Variants in CEP128 observed in about 807,000 individuals in gnomAD.
The protein encoded by CEP128 is centrosomal protein 128, also known as centrosomal protein 128kDa.
CEP128 carries 132 observed loss-of-function variants against 156.7 expected under a neutral mutation model. The observed-to-expected ratio is 0.84, with a 90% confidence interval of 0.73 to 0.97. CEP128 has a LOEUF of 0.97. Ranked by LOEUF, CEP128 falls within the 50% of genes least tolerant of loss-of-function variation. CEP128 has a pLI of 0.00. For synonymous variants in CEP128, 469 were observed against 448.9 expected, an observed-to-expected ratio of 1.04 and a Z score of -0.57; for missense variants, 1,252 against 1,281.9, an observed-to-expected ratio of 0.98 and a Z score of 0.36.
chr14:80,525,023 T>C (rs531225304), intron 23 of CEP128, among the ~76,000 whole-genome samples: 5 of 152,280 alleles, frequency 3.3e-5, no homozygotes, highest in African/African-American at 7.2e-5. Context: ...GTTATGGAAA[T>C]TGCATTGATT....
At chr14:80,919,689 A>G (rs961598656) in intron 2 of CEP128, among the ~76,000 whole-genome samples, 1 of 152,198 alleles carries the variant, frequency 6.6e-6, no homozygotes, top group African/African-American at 2.4e-5. Context: ...AGAAAATCTT[A>G]CTGGTATTAA....
At chr14:80,494,763 C>T (rs1023159984), downstream of CEP128, among the ~76,000 whole-genome samples, 3 of 152,092 alleles carry the variant, frequency 2.0e-5, no homozygotes, top group Non-Finnish European at 4.4e-5. Context: ...ACTTTAAATG[C>T]TGTATGCATA....
At chr14:80,629,389 T>C (rs1299405141) in intron 19 of CEP128, among the ~76,000 whole-genome samples, 1 of 152,156 alleles carries the variant, frequency 6.6e-6, no homozygotes, top group East Asian at 1.9e-4. Flanking sequence ...CTTTTCCTTT[T>C]TGGAGAAATA....
At chr14:80,595,531 T>A (rs1422423500) in intron 19 of CEP128, among the ~76,000 whole-genome samples, 1 of 152,184 alleles carries the variant, frequency 6.6e-6, no homozygotes, top group Admixed American at 6.5e-5. Flanking sequence ...TCTGTTTCAA[T>A]TTGATGATAT....
At chr14:80,757,503 C>A (rs1179911903) in intron 17 of CEP128, among the ~76,000 whole-genome samples, 5 of 152,222 alleles carry the variant, frequency 3.3e-5, no homozygotes, top group Admixed American at 2.6e-4. Context: ...GCTGCTTTGA[C>A]TTCCTTCACG....
chr14:80,866,081 G>T (rs1277826676), intron 8 of CEP128, among the ~76,000 whole-genome samples: 1 of 152,044 alleles, frequency 6.6e-6, no homozygotes, highest in Non-Finnish European at 1.5e-5. Context: ...CCAGTATACA[G>T]GTCAGCCCCC....
intron 19 of CEP128, among the ~76,000 whole-genome samples, chr14:80,613,188 A>G (rs1016446683): frequency 6.6e-6 from 1 of 151,310 alleles, no homozygotes; most frequent in African/African-American, 2.4e-5. Context: ...AAATAAAAGT[A>G]CTTGTTAAGT....
At chr14:80,609,860 A>G (rs2140575694) in intron 19 of CEP128, among the ~76,000 whole-genome samples, 1 of 152,250 alleles carries the variant, frequency 6.6e-6, no homozygotes, top group East Asian at 1.9e-4. Context: ...GAGTCAAAAA[A>G]AAATCACACA....
downstream of CEP128, among the ~76,000 whole-genome samples, chr14:80,485,706 G>T (rs999061131): frequency 6.6e-6 from 1 of 152,142 alleles, no homozygotes; most frequent in African/African-American, 2.4e-5. Flanking sequence ...ATTTAGCAAT[G>T]AATGAATAAA....
chr14:80,811,188 T>C (rs1240764376), intron 13 of CEP128, among the ~76,000 whole-genome samples: 3 of 152,246 alleles, frequency 2.0e-5, no homozygotes, highest in African/African-American at 7.2e-5. Flanking sequence ...CAGCCTATCA[T>C]TGATGGGCAT....
chr14:80,681,938 T>C (rs1896340615), intron 19 of CEP128, among the ~76,000 whole-genome samples: 1 of 151,918 alleles, frequency 6.6e-6, no homozygotes, highest in South Asian at 2.1e-4. Context: ...GCCCTGTCTC[T>C]ATGAAAAAAA....
At chr14:80,607,595 G>A (rs1315400072) in intron 19 of CEP128, among the ~76,000 whole-genome samples, 1 of 152,106 alleles carries the variant, frequency 6.6e-6, no homozygotes, top group Non-Finnish European at 1.5e-5. Flanking sequence ...TTTCAGAGAA[G>A]CATTCTGCAA....
chr14:80,559,170 G>A, intron 21 of CEP128, 109 bp downstream of exon 21: 2 of 948,102 alleles, frequency 2.1e-6, no homozygotes, highest in Non-Finnish European at 3.3e-6. Context: ...CATCTTAGAT[G>A]TAGTTTTCGA....
intron 19 of CEP128, among the ~76,000 whole-genome samples, chr14:80,596,842 A>AAAAGG (rs1555379468): frequency 2.7e-4 from 19 of 69,858 alleles, no homozygotes; most frequent in East Asian, 7.7e-4. Flanking sequence ...AAAAAAAAAA[A>AAAAGG]GGTGGGGGGG....
intron 14 of CEP128, among the ~76,000 whole-genome samples, chr14:80,485,046 A>C (rs1002030699): frequency 1.7e-4 from 26 of 152,112 alleles, no homozygotes; most frequent in African/African-American, 6.3e-4. Flanking sequence ...GACGGCAGCC[A>C]TTGTGGACAG....
intron 13 of CEP128, chr14:80,822,509 C>T (rs1566651598): frequency 1.6e-6 from 1 of 629,302 alleles, no homozygotes; most frequent in Admixed American, 1.9e-5. Flanking sequence ...CCACCACCTA[C>T]ATCCTGCCGC....
chr14:80,617,217 A>ATTTTTTTTTT (rs1555382736), intron 19 of CEP128, among the ~76,000 whole-genome samples: 4 of 43,130 alleles, frequency 9.3e-5, no homozygotes, highest in African/African-American at 2.1e-4. Context: ...TGTGAATATC[A>ATTTTTTTTTT]TCTTTTTTTT....
chr14:80,797,396 T>C (rs1883553348), intron 13 of CEP128, among the ~76,000 whole-genome samples: 1 of 152,200 alleles, frequency 6.6e-6, no homozygotes. Flanking sequence ...TTCTTGTAAA[T>C]AATTGTGGTT....
chr14:80,840,712 C>T lies in CEP128; in HGVS notation c.819G>A (p.Lys273=), dbSNP rs1391647767. 1 of 1,610,676 alleles carries T rather than the reference C, an allele frequency of 6.2e-7. No individual in the cohort carries two copies. Among genetic ancestry groups the T allele is most frequent in the Non-Finnish European group, 8.5e-7 (1 of 1,177,806 alleles). The stretch of plus-strand genomic sequence containing the variant: ...TCTTCTCAGTTTCAGTTTGTCTTAG[C>T]TTATTTTTTATTGCCCCCTCATGCT... ...ADEHEGAIKN[K]LRQTETEKNQ... is the part of the protein sequence containing the mutation. Residue 273 remains lysine (K), a synonymous_variant, in exon 10 of 25, where the codon AAG becomes AAA. Coordinates refer to ENST00000555265, the MANE Select transcript of CEP128 (RefSeq NM_152446.5).
Sources: allele counts gnomAD v4.1 joint callset (sites outside exome capture counted in the v4.1 genomes callset), GRCh38; gene constraint gnomAD v4.1.1; transcripts MANE v1.5; gene names NCBI Gene and HGNC (gene_info 2026-07-23, HGNC 2026-07-21).